Variants in SELENOV observed in about 807,000 individuals in gnomAD.
The protein encoded by SELENOV is selenoprotein V.
In SELENOV, 25 loss-of-function variants were observed where a neutral mutation model predicts 21.6. That is an observed-to-expected ratio of 1.16 (90% confidence interval 0.84 to 1.62). The LOEUF is 1.62. Ranked by LOEUF, SELENOV falls within the 40% of genes most tolerant of loss-of-function variation. SELENOV has a pLI of 0.00. For missense variants in SELENOV, 472 were observed against 459.0 expected, an observed-to-expected ratio of 1.03 and a Z score of -0.26; for synonymous variants, 227 against 216.9, an observed-to-expected ratio of 1.05 and a Z score of -0.41.
intron 1 of SELENOV, among the ~76,000 whole-genome samples, chr19:39,516,988 C>T (rs563598667): frequency 7.9e-5 from 12 of 151,848 alleles, no homozygotes; most frequent in Non-Finnish European, 1.2e-4. Context: ...TGAGCCACCG[C>T]GCCTGGCCCC....
intron 1 of SELENOV, among the ~76,000 whole-genome samples, chr19:39,517,988 A>AAAAAAAAAAAAAAC (rs1568455350): frequency 7.1e-6 from 1 of 140,902 alleles, no homozygotes; most frequent in African/African-American, 2.6e-5. Context: ...AAAAAAAAAA[A>AAAAAAAAAAAAAAC]AAAGCCCAGC....
At chr19:39,517,948 G>T (rs1404359211) in intron 1 of SELENOV, among the ~76,000 whole-genome samples, 1 of 85,710 alleles carries the variant, frequency 1.2e-5, no homozygotes, top group African/African-American at 4.3e-5. Flanking sequence ...CTGGGCGACA[G>T]AGCAAGACTC....
At chr19:39,518,228 G>A (rs558184725) in intron 1 of SELENOV, among the ~76,000 whole-genome samples, 32 of 147,452 alleles carry the variant, frequency 2.2e-4, no homozygotes, top group South Asian at 6.5e-4. Context: ...CTGAGATCGC[G>A]CCATTGCACT....
intron 1 of SELENOV, among the ~76,000 whole-genome samples, chr19:39,517,964 C>CAAAAAAACAAA (rs2079705673): frequency 8.1e-5 from 1 of 12,362 alleles, no homozygotes; most frequent in Non-Finnish European, 1.4e-4. Context: ...GACTCTGTCT[C>CAAAAAAACAAA]AAAAAAAAAA....
At position 39,515,673 on chromosome 19, in the gene SELENOV, C is replaced by T. The variant is rs571592514; in HGVS notation, c.461C>T (p.Pro154Leu). 1.2e-5 allele frequency: 18 copies of T among 1,548,774 alleles called. No homozygotes were observed. The East Asian group carries it at 2.4e-4, about 21-fold the overall frequency. ...GCCCCGGCCCTACCTTTGGATCCGC[C>T]CCCGGAACCTGCTCCGGAGCTGCCT... The change falls in exon 1 of 6, where the codon CCC becomes CTC. Residue 154 changes from proline (P) to leucine (L), a missense_variant. Pro to Leu is a moderately conservative substitution (Grantham distance 98). Transcript: ENST00000335426. The surrounding 1 kb of genome is among the most constrained non-coding windows in gnomAD (Gnocchi z 5.1).
In SELENOV at chr19:39,515,770, G is replaced by A. The variant is rs371759463; in HGVS notation, c.558G>A (p.Gly186=). Residue 186 remains glycine, a synonymous_variant, in exon 1 of 6, where the codon GGG becomes GGA. Transcript: ENST00000335426. The surrounding 1 kb of genome is among the most constrained non-coding windows in gnomAD (Gnocchi z 5.1). ...TCCCGTCGGTCTCCAGCGAGGCCGG[G>A]CCCGCCCCGGGGCCCCTTCCCACGC... is the stretch of plus-strand genomic sequence containing the variant. 6.9e-4 allele frequency: 1,065 copies of A among 1,549,152 alleles called. 6 individuals carry two copies. The African/African-American group carries it at 0.012, about 18-fold the overall frequency.
At chr19:39,518,826 G>T (rs28596775) in intron 3 of SELENOV, 33 bp downstream of exon 3, 175,228 of 1,612,460 alleles carry the variant, frequency 0.11, 9,879 homozygotes, top group East Asian at 0.16. Context: ...GGAGAGGGGG[G>T]TGGTCAGGGA....
chr19:39,519,308 T>A, intron 5 of SELENOV, 138 bp downstream of exon 5: 1 of 665,138 alleles, frequency 1.5e-6, no homozygotes, highest in Non-Finnish European at 2.7e-6. Context: ...TACATTCTTT[T>A]CTGAGCCTCA....
chr19:39,518,054 C>G (rs892966573), intron 1 of SELENOV, among the ~76,000 whole-genome samples: 3 of 143,604 alleles, frequency 2.1e-5, no homozygotes, highest in Non-Finnish European at 4.5e-5. Context: ...GGGTGGATCA[C>G]GAGGTCAGGA....
chr19:39,518,705 C>T lies in SELENOV; in HGVS notation c.835-35C>T, dbSNP rs751036978. On this transcript the variant is annotated intron_variant, in intron 2 of 5. Coordinates refer to ENST00000335426, the Ensembl canonical transcript of SELENOV. ...CTGGGAGGAGTCCCTGTTTCCCCTC[C>T]CCTGCAACCCCATGACCCCATCTCC... 3.3e-5 allele frequency: 53 copies of T among 1,613,178 alleles called. No individual in the cohort carries two copies. The East Asian group carries it at 1.2e-3, about 35-fold the overall frequency.
At chr19:39,516,675 G>T (rs1444012646) in intron 1 of SELENOV, among the ~76,000 whole-genome samples, 1 of 149,734 alleles carries the variant, frequency 6.7e-6, no homozygotes, top group Non-Finnish European at 1.5e-5. Context: ...CTACAGGTGT[G>T]CACCACCATG....
chr19:39,519,538 C>T (rs138955477), intron 5 of SELENOV, among the ~76,000 whole-genome samples: 269 of 152,022 alleles, frequency 1.8e-3, no homozygotes, highest in African/African-American at 6.1e-3. Context: ...CAGTGGCTCA[C>T]GCCTGTAATC....
chr19:39,515,129 C>T lies in SELENOV; in HGVS notation c.-84C>T, dbSNP rs2144771246. ...CAGTGGTCGCGCCGCGTCTCAGAAC[C>T]CGGTGCGGGAGACGCTCTCCCCGCC... On this transcript the variant is annotated 5_prime_UTR_variant, in exon 1 of 6. Coordinates refer to ENST00000335426, the Ensembl canonical transcript of SELENOV. The surrounding 1 kb of genome is among the most constrained non-coding windows in gnomAD (Gnocchi z 5.1). 9.3e-6 allele frequency: 8 copies of T among 857,260 alleles called. No homozygotes were observed. Among genetic ancestry groups the T allele is most frequent in the Admixed American group, 2.7e-5 (1 of 37,340 alleles). The allele number at this position is 857,260 out of a possible 1,614,324, so 53.1% of individuals were successfully genotyped here. A position where few individuals can be genotyped will look rare whatever the true frequency, so the allele number is the denominator to read the frequency against.
At position 39,515,638 on chromosome 19, in the gene SELENOV, C is replaced by A. The variant is rs2079692062; in HGVS notation, c.426C>A (p.Asp142Glu). Residue 142 changes from aspartate to glutamate, a missense_variant, in exon 1 of 6, where the codon GAC becomes GAA. Transcript: ENST00000335426. The surrounding 1 kb of genome is among the most constrained non-coding windows in gnomAD (Gnocchi z 5.1). Reference sequence around the variant, plus strand: ...TTCGGGCCGCGCTCCCCGTCTTGGACTCCTACCTGGCCCCGGCCCTACCTT... The same window carrying A: ...TTCGGGCCGCGCTCCCCGTCTTGGAATCCTACCTGGCCCCGGCCCTACCTT... 1.3e-6 allele frequency: 2 copies of A among 1,548,298 alleles called. No homozygotes were observed. The highest frequency in any genetic ancestry group is 2.7e-5 in the African/African-American group (2 of 73,068).
At position 39,515,491 on chromosome 19, in the gene SELENOV, C is replaced by G. The variant is rs760688919; in HGVS notation, c.279C>G (p.Ile93Met). 5.8e-5 allele frequency: 90 copies of G among 1,551,318 alleles called. No individual in the cohort carries two copies. The African/African-American group carries it at 1.2e-3, about 21-fold the overall frequency. ...TTCCGCCTCCTGCTCCGGCCTGGAT[C>G]CCTACTCCGGTGCCGACTCCCGTTC... is the stretch of plus-strand genomic sequence containing the variant. Residue 93 changes from isoleucine (I) to methionine (M), a missense_variant, in exon 1 of 6, where the codon ATC (isoleucine) becomes ATG (methionine). By Grantham distance (10) the Ile-to-Met change is conservative. Transcript: ENST00000335426. The surrounding 1 kb of genome is among the most constrained non-coding windows in gnomAD (Gnocchi z 5.1).
At chr19:39,517,030 C>T (rs749243690) in intron 1 of SELENOV, among the ~76,000 whole-genome samples, 1 of 150,724 alleles carries the variant, frequency 6.6e-6, no homozygotes, top group Non-Finnish European at 1.5e-5. Flanking sequence ...GAGATGGGGT[C>T]GGGGATGGGG....
intron 3 of SELENOV, 27 bp downstream of exon 3, chr19:39,518,820 A>AG: frequency 2.5e-6 from 4 of 1,611,576 alleles, no homozygotes; most frequent in Non-Finnish European, 3.4e-6. Context: ...CCTGGGGGAG[A>AG]GGGGGGTGGT....
chr19:39,518,839 T>A (rs770242230), intron 3 of SELENOV, 46 bp downstream of exon 3: 1 of 1,612,468 alleles, frequency 6.2e-7, no homozygotes, highest in African/African-American at 1.3e-5. Context: ...GTCAGGGATC[T>A]GAGATCCCCA....
At chr19:39,517,931 C>T (rs1314909616) in intron 1 of SELENOV, among the ~76,000 whole-genome samples, 1 of 129,264 alleles carries the variant, frequency 7.7e-6, no homozygotes, top group Non-Finnish European at 1.6e-5. Context: ...CACCACTGCT[C>T]TCCAGCCTGG....
Sources: gnomAD v4.1 joint callset for allele counts (sites outside exome capture counted in the v4.1 genomes callset) on GRCh38, gnomAD v4.1.1 for gene constraint, Gnocchi (gnomAD v3.1) non-coding constraint, MANE v1.5 for transcripts, NCBI Gene and HGNC (gene_info 2026-07-23, HGNC 2026-07-21) for gene names.